Variants in SLC44A5 observed in about 807,000 individuals in gnomAD.
SLC44A5 encodes choline transporter-like protein 5.
SLC44A5 carries 57 observed loss-of-function variants against 101.8 expected under a neutral mutation model. The ratio of observed to expected loss-of-function variants is 0.56; its 90% CI spans 0.45 to 0.70. SLC44A5 has a LOEUF of 0.70. SLC44A5 is among the 30% of genes least tolerant of loss of function. SLC44A5 has a pLI of 0.00. For synonymous variants in SLC44A5, 281 were observed against 290.9 expected, an observed-to-expected ratio of 0.97 and a Z score of 0.35; for missense variants, 737 against 853.1, an observed-to-expected ratio of 0.86 and a Z score of 1.70.
intron 4 of SLC44A5, among the ~76,000 whole-genome samples, chr1:75,316,758 C>A (rs1295004829): frequency 6.6e-6 from 1 of 152,162 alleles, no homozygotes; most frequent in Non-Finnish European, 1.5e-5. Context: ...TTTTATATCA[C>A]CTTCTCCCTT....
At chr1:75,527,113 T>C (rs1386260859) in intron 2 of SLC44A5, among the ~76,000 whole-genome samples, 4 of 137,188 alleles carry the variant, frequency 2.9e-5, no homozygotes, top group African/African-American at 1.1e-4. Flanking sequence ...CCAGCCTCGG[T>C]GGCAGAGCAA....
chr1:75,282,407 A>G (rs2100784998), intron 5 of SLC44A5, among the ~76,000 whole-genome samples: 1 of 152,312 alleles, frequency 6.6e-6, no homozygotes, highest in Admixed American at 6.5e-5. Context: ...CTTGTCTCAG[A>G]TGAGACTTTG....
chr1:75,424,161 T>C (rs1664170939), intron 2 of SLC44A5, among the ~76,000 whole-genome samples: 1 of 152,228 alleles, frequency 6.6e-6, no homozygotes. Flanking sequence ...GACTGTATAA[T>C]ATAATTGTAA....
At chr1:75,244,516 AT>A (rs1648938666) in intron 7 of SLC44A5, among the ~76,000 whole-genome samples, 1 of 152,038 alleles carries the variant, frequency 6.6e-6, no homozygotes, top group South Asian at 2.1e-4. Context: ...CTCAAACACA[AT>A]TCTCAAAATG....
chr1:75,672,745 G>A, the SLC44A5 span, among the ~76,000 whole-genome samples: 1 of 152,144 alleles, frequency 6.6e-6, no homozygotes, highest in Non-Finnish European at 1.5e-5. Flanking sequence ...ACTTTGTCTT[G>A]TAACTTGATA....
At chr1:75,341,201 A>C (rs969167455) in intron 3 of SLC44A5, among the ~76,000 whole-genome samples, 4 of 152,224 alleles carry the variant, frequency 2.6e-5, no homozygotes, top group African/African-American at 9.6e-5. Flanking sequence ...CTTGAATAAG[A>C]AATATAAGCT....
chr1:75,330,538 G>T (rs933356369), intron 4 of SLC44A5, among the ~76,000 whole-genome samples: 1 of 151,886 alleles, frequency 6.6e-6, no homozygotes, highest in African/African-American at 2.4e-5. Context: ...TTGTGTTCTG[G>T]ACTCTGTCTT....
the SLC44A5 span, among the ~76,000 whole-genome samples, chr1:75,676,465 C>A: frequency 6.6e-6 from 1 of 152,158 alleles, no homozygotes; most frequent in East Asian, 1.9e-4. Context: ...GAAAACCAAA[C>A]ACTGCATGTT....
At chr1:75,649,067 T>C in the SLC44A5 span, among the ~76,000 whole-genome samples, 2 of 152,236 alleles carry the variant, frequency 1.3e-5, no homozygotes, top group Non-Finnish European at 2.9e-5. Context: ...ACTCTGTGCC[T>C]AGTAGTTGTT....
At chr1:75,615,729 C>T (rs1418968711), upstream of SLC44A5, 6 of 529,596 alleles carry the variant, frequency 1.1e-5, no homozygotes, top group African/African-American at 8.2e-5. Flanking sequence ...TCCCCGGACA[C>T]GGCAAACTCT....
chr1:75,487,801 C>A (rs1267815408), intron 2 of SLC44A5, among the ~76,000 whole-genome samples: 3 of 152,190 alleles, frequency 2.0e-5, no homozygotes, highest in African/African-American at 7.2e-5. Context: ...CCAGGGGTCC[C>A]CAGTCCCCAG....
chr1:75,483,081 T>C (rs1195402940), intron 2 of SLC44A5, among the ~76,000 whole-genome samples: 1 of 152,136 alleles, frequency 6.6e-6, no homozygotes, highest in African/African-American at 2.4e-5. Context: ...AGCGTAACAA[T>C]AAATTAGAAA....
the SLC44A5 span, among the ~76,000 whole-genome samples, chr1:75,697,944 C>T: frequency 1.4e-4 from 21 of 152,334 alleles, no homozygotes; most frequent in African/African-American, 3.4e-4. Flanking sequence ...GCTTTTCCAA[C>T]GGGCTTAAAA....
intron 3 of SLC44A5, among the ~76,000 whole-genome samples, chr1:75,388,529 C>T (rs1227448235): frequency 2.6e-5 from 4 of 152,072 alleles, no homozygotes; most frequent in African/African-American, 7.2e-5. Context: ...GCCTGTAATT[C>T]CAGCACTTTG....
chr1:75,219,415 G>A, intron 15 of SLC44A5, 71 bp from the exon 16 acceptor site: 1 of 1,001,638 alleles, frequency 1.0e-6, no homozygotes, highest in South Asian at 1.3e-5. Context: ...AAACAATACT[G>A]ACAACTCAAA....
chr1:75,267,818 G>A (rs183212499), intron 6 of SLC44A5, among the ~76,000 whole-genome samples: 18 of 152,068 alleles, frequency 1.2e-4, no homozygotes, highest in Admixed American at 7.2e-4. Context: ...TGATTGGCTC[G>A]CCTCGGCTTC....
chr1:75,215,706 T>G lies in SLC44A5; in HGVS notation c.1728+48A>C, dbSNP rs761063515. 1.8e-6 allele frequency: 2 copies of G among 1,112,082 alleles called. 1 individual carries two copies. The highest frequency in any genetic ancestry group is 2.5e-5 in the South Asian group (2 of 79,186). 68.9% of individuals were successfully genotyped at this position (1,112,082 alleles called of 1,614,324 possible). A position where few individuals can be genotyped will look rare whatever the true frequency, so the allele number is the denominator to read the frequency against. On this transcript the variant is annotated intron_variant, in intron 19 of 23. Coordinates refer to ENST00000370859, the MANE Select transcript of SLC44A5 (RefSeq NM_001130058.2). Reference sequence around the variant, plus strand: ...GAGAGGGCAATGTAGACACAAGGTTTGGGATTGCAAAGAAGCAGCTTAGTA... The same window carrying G: ...GAGAGGGCAATGTAGACACAAGGTTGGGGATTGCAAAGAAGCAGCTTAGTA...
In SLC44A5 at chr1:75,331,717, T is replaced by C. The variant is rs556930919; in HGVS notation, c.101+7865A>G. On this transcript the variant is annotated intron_variant, in intron 4 of 23. Coordinates refer to ENST00000370859, the MANE Select transcript of SLC44A5 (RefSeq NM_001130058.2). ...GAGCATCTCCTACCCACCCACTACCTAAGTCCCGCTCCCATCCACCTTGCT... is the reference window on the plus strand; with the variant it reads ...GAGCATCTCCTACCCACCCACTACCCAAGTCCCGCTCCCATCCACCTTGCT... Among the ~76,000 whole-genome samples, 5 of 152,262 alleles carry C rather than the reference T, an allele frequency of 3.3e-5. No individual in the cohort carries two copies. In the South Asian group the frequency reaches 1.0e-3, roughly 32 times the overall value.
At chr1:75,303,959 A>T (rs1654710414) in intron 4 of SLC44A5, among the ~76,000 whole-genome samples, 1 of 152,112 alleles carries the variant, frequency 6.6e-6, no homozygotes, top group Non-Finnish European at 1.5e-5. Flanking sequence ...TATAATAATT[A>T]AAAAAATATA....
Sources: gnomAD v4.1 joint callset for allele counts (sites outside exome capture counted in the v4.1 genomes callset) on GRCh38, gnomAD v4.1.1 for gene constraint, MANE v1.5 for transcripts, NCBI Gene and HGNC (gene_info 2026-07-23, HGNC 2026-07-21) for gene names.